The following SLC12A8 variants were observed in gnomAD, a reference collection of about 807,000 sequenced individuals.
The protein encoded by SLC12A8 is cation-chloride cotransporter 9.
A neutral mutation model predicts 75.6 loss-of-function variants in SLC12A8; 69 were observed. That is an observed-to-expected ratio of 0.91 (90% confidence interval 0.75 to 1.11). The LOEUF is 1.11. Among genes scored for constraint, SLC12A8 ranks in the 50% most tolerant of loss-of-function variants. The pLI, the probability that SLC12A8 is intolerant of heterozygous loss-of-function variation, is 0.00. For missense variants in SLC12A8, 877 were observed against 896.7 expected (o/e 0.98, Z 0.28); for synonymous variants, 365 against 372.8 (o/e 0.98, Z 0.24).
intron 4 of SLC12A8, among the ~76,000 whole-genome samples, chr3:125,184,263 G>A (rs9860000): frequency 0.063 from 9,514 of 152,170 alleles, 396 homozygotes; most frequent in East Asian, 0.2. Context: ...GAGCAACCAC[G>A]CCCGACCTGC....
chr3:125,114,575 C>T (rs1396222934), intron 8 of SLC12A8, among the ~76,000 whole-genome samples: 1 of 152,148 alleles, frequency 6.6e-6, no homozygotes, highest in Non-Finnish European at 1.5e-5. Flanking sequence ...CAGGCATGCA[C>T]CACCACGCCT....
intron 6 of SLC12A8, among the ~76,000 whole-genome samples, chr3:125,128,604 C>T (rs149852106): frequency 0.017 from 2,544 of 152,008 alleles, 26 homozygotes; most frequent in Non-Finnish European, 0.026. Flanking sequence ...CTCAGCCTCC[C>T]GAGTAGCTGG....
At chr3:125,098,619 C>T (rs2107736214) in intron 10 of SLC12A8, among the ~76,000 whole-genome samples, 1 of 148,970 alleles carries the variant, frequency 6.7e-6, no homozygotes, top group East Asian at 2.0e-4. Context: ...CAAAATAGTC[C>T]AAAACACTTA....
intron 5 of SLC12A8, among the ~76,000 whole-genome samples, chr3:125,157,516 C>A (rs1199907396): frequency 6.6e-6 from 1 of 152,222 alleles, no homozygotes; most frequent in East Asian, 1.9e-4. Context: ...CCTCAGGGAA[C>A]TGGGAAGAAC....
intron 2 of SLC12A8, among the ~76,000 whole-genome samples, chr3:125,199,312 C>A (rs1197084973): frequency 1.3e-5 from 2 of 152,132 alleles, no homozygotes; most frequent in African/African-American, 4.8e-5. Context: ...TCTGAATCGA[C>A]TGAGTCAAGA....
chr3:125,101,038 A>AG (rs1464758866), intron 10 of SLC12A8, among the ~76,000 whole-genome samples: 1 of 151,598 alleles, frequency 6.6e-6, no homozygotes, highest in Non-Finnish European at 1.5e-5. Context: ...AAAAAAAAAA[A>AG]AAAGATGATT....
intron 10 of SLC12A8, among the ~76,000 whole-genome samples, chr3:125,092,865 G>A (rs1471302190): frequency 6.6e-6 from 1 of 152,068 alleles, no homozygotes; most frequent in Non-Finnish European, 1.5e-5. Context: ...CTCCAGAAGC[G>A]CTCAATTTAA....
At chr3:125,113,440 T>G (rs1304216029) in intron 8 of SLC12A8, among the ~76,000 whole-genome samples, 2 of 152,162 alleles carry the variant, frequency 1.3e-5, no homozygotes, top group Admixed American at 1.3e-4. Context: ...AAATCCTATC[T>G]CTTTCTGTCA....
intron 2 of SLC12A8, among the ~76,000 whole-genome samples, chr3:125,198,106 G>A (rs1487233186): frequency 6.6e-6 from 1 of 152,118 alleles, no homozygotes; most frequent in Non-Finnish European, 1.5e-5. Flanking sequence ...CTGCTATGGT[G>A]TTCCTGCCAA....
chr3:125,197,265 A>T (rs816339), intron 2 of SLC12A8, among the ~76,000 whole-genome samples: 2 of 152,060 alleles, frequency 1.3e-5, no homozygotes, highest in African/African-American at 2.4e-5. Context: ...TAAGAATCTG[A>T]GTCCATACAG....
chr3:125,203,416 G>A (rs1333067312), intron 2 of SLC12A8, among the ~76,000 whole-genome samples: 1 of 152,134 alleles, frequency 6.6e-6, no homozygotes, highest in Admixed American at 6.5e-5. Flanking sequence ...ACAGAATAGA[G>A]AATCTGGAAA....
chr3:125,178,301 G>A (rs1428771849), intron 4 of SLC12A8, among the ~76,000 whole-genome samples: 2 of 152,158 alleles, frequency 1.3e-5, no homozygotes, highest in African/African-American at 2.4e-5. Flanking sequence ...TTCTCAGTCC[G>A]AGTTATTCAA....
Position 125,092,212 on chromosome 3 carries a change from A to AGGACTTCAGG in SLC12A8, c.1706-15_1706-14insCCTGAAGTCC. 1 of 1,599,272 alleles carries AGGACTTCAGG rather than the reference A, an allele frequency of 6.3e-7. No homozygotes were observed. Among genetic ancestry groups the AGGACTTCAGG allele is most frequent in the Non-Finnish European group, 8.6e-7 (1 of 1,167,438 alleles). On this transcript the variant is annotated splice_polypyrimidine_tract_variant and intron_variant, in intron 10 of 13. Coordinates refer to ENST00000469902, the MANE Select transcript of SLC12A8 (RefSeq NM_024628.6). The stretch of plus-strand genomic sequence containing the variant: ...TCAGGAAGAAATCTAAAAAATAGCC[A>AGGACTTCAGG]AAGATTTGGCTGCCAAATTGCTATC...
intron 11 of SLC12A8, 51 bp from the exon 12 acceptor site, chr3:125,091,607 T>G (rs776736395): frequency 8.2e-7 from 1 of 1,220,736 alleles, no homozygotes; most frequent in Admixed American, 1.7e-5. Context: ...TTCTACATGG[T>G]AAGCAAGCCA....
chr3:125,186,999 G>T (rs1331142045), intron 4 of SLC12A8, among the ~76,000 whole-genome samples: 2 of 152,250 alleles, frequency 1.3e-5, no homozygotes, highest in African/African-American at 2.4e-5. Context: ...TGCCCTGCTG[G>T]TCACATCAGG....
chr3:125,108,130 C>T lies in SLC12A8; in HGVS notation c.1060-4G>A. The T allele has an allele frequency of 6.2e-7, 1 of 1,607,214 alleles. No homozygotes were observed. Among genetic ancestry groups the T allele is most frequent in the Non-Finnish European group, 8.5e-7 (1 of 1,176,608 alleles). ...CGGGTGTTTTGTTTGGCCCCTTCTG[C>T]AGGAACAAAAATAACATGCAGGACC... On this transcript the variant is annotated splice_polypyrimidine_tract_variant and splice_region_variant and intron_variant, in intron 9 of 13. Coordinates refer to ENST00000469902, the MANE Select transcript of SLC12A8 (RefSeq NM_024628.6).
intron 5 of SLC12A8, among the ~76,000 whole-genome samples, chr3:125,136,038 G>C (rs562413409): frequency 2.0e-5 from 3 of 152,162 alleles, no homozygotes; most frequent in Non-Finnish European, 4.4e-5. Flanking sequence ...GGGAAGGGGA[G>C]CATTTTCATC....
chr3:125,119,436 A>G (rs1579483802), intron 7 of SLC12A8, among the ~76,000 whole-genome samples: 2 of 152,356 alleles, frequency 1.3e-5, no homozygotes, highest in East Asian at 3.9e-4. Flanking sequence ...GTCAAAAGGC[A>G]GAGAGCAGAG....
intron 4 of SLC12A8, among the ~76,000 whole-genome samples, chr3:125,184,018 G>C (rs1457997588): frequency 6.6e-6 from 1 of 151,900 alleles, no homozygotes; most frequent in African/African-American, 2.4e-5. Context: ...TGTCACCCAG[G>C]CTGGAGTGCA....
Sources: gnomAD v4.1 joint callset for allele counts (sites outside exome capture counted in the v4.1 genomes callset) on GRCh38, gnomAD v4.1.1 for gene constraint, MANE v1.5 for transcripts, NCBI Gene and HGNC (gene_info 2026-07-23, HGNC 2026-07-21) for gene names.